SLC25A30: variants seen among roughly 807,000 people sequenced by gnomAD.
SLC25A30 encodes the protein solute carrier family 25 member 30.
In SLC25A30, 29 loss-of-function variants were observed where a neutral mutation model predicts 42.7. The ratio of observed to expected loss-of-function variants is 0.68; its 90% CI spans 0.51 to 0.93. The LOEUF is 0.93. Among genes scored for constraint, SLC25A30 ranks in the 40% least tolerant of loss-of-function variants. The pLI is 0.00. For missense variants in SLC25A30, 300 were observed against 359.7 expected, an observed-to-expected ratio of 0.83 and a Z score of 1.34; for synonymous variants, 124 against 131.0, an observed-to-expected ratio of 0.95 and a Z score of 0.37.
intron 4 of SLC25A30, among the ~76,000 whole-genome samples, chr13:45,404,976 G>A (rs895163067): frequency 6.6e-6 from 1 of 152,112 alleles, no homozygotes; most frequent in Non-Finnish European, 1.5e-5. Flanking sequence ...AGGCTGGAGT[G>A]CAGTGGCACA....
At chr13:45,425,826 G>A in the SLC25A30 span, among the ~76,000 whole-genome samples, 2 of 145,922 alleles carry the variant, frequency 1.4e-5, no homozygotes, top group Non-Finnish European at 3.0e-5. Context: ...CAGAGTAGCT[G>A]GGATTACAGG....
upstream of SLC25A30, among the ~76,000 whole-genome samples, chr13:45,419,125 C>T (rs2137713146): frequency 9.2e-6 from 1 of 108,706 alleles, no homozygotes; most frequent in South Asian, 2.9e-4. Flanking sequence ...AGTGATACTC[C>T]CTCTTAAAAA....
At chr13:45,428,723 A>G in the SLC25A30 span, among the ~76,000 whole-genome samples, 658 of 150,876 alleles carry the variant, frequency 4.4e-3, 5 homozygotes, top group African/African-American at 0.015. Context: ...GGGTTTCACC[A>G]TGTTGGTCAG....
the SLC25A30 span, among the ~76,000 whole-genome samples, chr13:45,431,052 T>A: frequency 2.0e-5 from 3 of 151,996 alleles, no homozygotes; most frequent in East Asian, 5.8e-4. Flanking sequence ...TGTTTTTGTT[T>A]TTGTTTTTGT....
chr13:45,422,263 T>C (rs756038173), upstream of SLC25A30, among the ~76,000 whole-genome samples: 2 of 152,180 alleles, frequency 1.3e-5, no homozygotes, highest in African/African-American at 2.4e-5. Flanking sequence ...CTCACAGGTT[T>C]TTCTGGATGG....
chr13:45,432,269 C>CA, the SLC25A30 span, among the ~76,000 whole-genome samples: 1,457 of 92,816 alleles, frequency 0.016, 10 homozygotes, highest in South Asian at 0.058. Context: ...GACTCTGTTT[C>CA]AAAAAAAAAA....
At chr13:45,423,669 A>AAATATATATAAAAATATATATAAAAAT in the SLC25A30 span, among the ~76,000 whole-genome samples, 2 of 24,322 alleles carry the variant, frequency 8.2e-5, no homozygotes, top group African/African-American at 4.2e-4. Flanking sequence ...ATATATATAA[A>AAATATATATAAAAATATATATAAAAAT]ATACATATTT....
chr13:45,425,036 GTA>G, the SLC25A30 span, among the ~76,000 whole-genome samples: 1 of 14,694 alleles, frequency 6.8e-5, no homozygotes, highest in African/African-American at 3.9e-4. Context: ...AAATATATAA[GTA>G]TATATAAATA....
chr13:45,409,587 T>A (rs1180730192), intron 2 of SLC25A30, among the ~76,000 whole-genome samples: 1 of 152,126 alleles, frequency 6.6e-6, no homozygotes, highest in Non-Finnish European at 1.5e-5. Flanking sequence ...GGTGGGCGGA[T>A]CACCTGAGGT....
the SLC25A30 span, among the ~76,000 whole-genome samples, chr13:45,425,929 G>T: frequency 6.8e-6 from 1 of 147,680 alleles, no homozygotes; most frequent in Non-Finnish European, 1.5e-5. Context: ...CTGACCTCGA[G>T]TGATCCACCT....
intron 4 of SLC25A30, among the ~76,000 whole-genome samples, chr13:45,405,406 C>T (rs1882405727): frequency 6.6e-6 from 1 of 152,162 alleles, no homozygotes. Flanking sequence ...CTCTTGTTCA[C>T]CACTCTTACA....
At chr13:45,413,264 T>A (rs1883182283) in intron 1 of SLC25A30, among the ~76,000 whole-genome samples, 1 of 152,218 alleles carries the variant, frequency 6.6e-6, no homozygotes, top group South Asian at 2.1e-4. Flanking sequence ...CATCTCCCTA[T>A]TATCTTTGAA....
the SLC25A30 span, among the ~76,000 whole-genome samples, chr13:45,424,112 T>C: frequency 6.8e-5 from 6 of 88,554 alleles, no homozygotes; most frequent in African/African-American, 2.4e-4. Context: ...TAAAAATATA[T>C]ATAAATATAT....
the SLC25A30 span, among the ~76,000 whole-genome samples, chr13:45,423,892 T>A: frequency 1.3e-5 from 1 of 76,902 alleles, no homozygotes; most frequent in Non-Finnish European, 2.3e-5. Flanking sequence ...AATATATATA[T>A]AAATATATAT....
chr13:45,424,544 A>T, the SLC25A30 span, among the ~76,000 whole-genome samples: 5 of 34,244 alleles, frequency 1.5e-4, no homozygotes, highest in African/African-American at 3.4e-4. Context: ...TAAATATATA[A>T]ATATATAAAT....
the SLC25A30 span, among the ~76,000 whole-genome samples, chr13:45,427,501 C>T: frequency 1.3e-5 from 2 of 152,122 alleles, no homozygotes; most frequent in African/African-American, 4.8e-5. Flanking sequence ...TTGACTTCCC[C>T]TGAAAATCAT....
chr13:45,411,737 G>C lies in SLC25A30; in HGVS notation c.-55-257C>G, dbSNP rs1480351866. The C allele has an allele frequency of 1.3e-5, 5 of 382,320 alleles. No individual in the cohort carries two copies. The East Asian group carries it at 3.0e-4, about 23-fold the overall frequency. The allele number at this position is 382,320 out of a possible 1,614,324, so 23.7% of individuals were successfully genotyped here. A position where few individuals can be genotyped will look rare whatever the true frequency, so the allele number is the denominator to read the frequency against. On this transcript the variant is annotated intron_variant, in intron 1 of 9. Coordinates refer to ENST00000519676, the MANE Select transcript of SLC25A30 (RefSeq NM_001010875.4). ...AGTAATCAGCTACTTTGATACCTTG[G>C]TATGCGTGTATGTATTCAGTGTAGT...
the SLC25A30 span, among the ~76,000 whole-genome samples, chr13:45,423,943 A>G: frequency 2.0e-5 from 1 of 49,518 alleles, no homozygotes; most frequent in Non-Finnish European, 4.3e-5. Context: ...ATAAATATAT[A>G]AAAAAATATA....
intron 3 of SLC25A30, 34 bp downstream of exon 3, chr13:45,408,893 A>C: frequency 1.3e-6 from 2 of 1,574,954 alleles, no homozygotes; most frequent in Non-Finnish European, 1.7e-6. Context: ...GAAACAGTGA[A>C]CAGTGACACA....
Sources: allele counts gnomAD v4.1 joint callset (sites outside exome capture counted in the v4.1 genomes callset), GRCh38; gene constraint gnomAD v4.1.1; transcripts MANE v1.5; gene names NCBI Gene and HGNC (gene_info 2026-07-23, HGNC 2026-07-21).